Variants in NELL1 observed in about 807,000 individuals in gnomAD.
NELL1 encodes neural EGFL like 1.
In NELL1, 76 loss-of-function variants were observed where a neutral mutation model predicts 107.4. The observed-to-expected ratio is 0.71, with a 90% CI of 0.59 to 0.86. The LOEUF (loss-of-function observed/expected upper bound fraction) is 0.86, where lower values mean the gene tolerates loss of function less well. Among genes scored for constraint, NELL1 ranks in the 40% least tolerant of loss-of-function variants. The pLI is 0.00. For synonymous variants in NELL1, 353 were observed against 341.2 expected (o/e 1.03, Z -0.38); for missense variants, 1,024 against 1,005.5 (o/e 1.02, Z -0.25).
At chr11:20,970,053 GTCCA>G (rs3046320) in intron 12 of NELL1, among the ~76,000 whole-genome samples, 57,495 of 125,792 alleles carry the variant, frequency 0.46, 12,159 homozygotes, top group Middle Eastern at 0.56. Context: ...CTATCTCTCT[GTCCA>G]TCCATCCATC....
chr11:20,944,141 TG>T (rs1239219199), intron 10 of NELL1, among the ~76,000 whole-genome samples: 3 of 152,206 alleles, frequency 2.0e-5, no homozygotes, highest in Non-Finnish European at 4.4e-5. Flanking sequence ...GTATTATCCT[TG>T]GGAGGACTAA....
At chr11:21,127,878 T>A (rs1371747392) in intron 13 of NELL1, among the ~76,000 whole-genome samples, 1 of 152,222 alleles carries the variant, frequency 6.6e-6, no homozygotes, top group Non-Finnish European at 1.5e-5. Context: ...CATATGGACA[T>A]CTTATCATAG....
At chr11:21,545,989 G>T (rs1425539799) in intron 16 of NELL1, among the ~76,000 whole-genome samples, 1 of 151,910 alleles carries the variant, frequency 6.6e-6, no homozygotes, top group Non-Finnish European at 1.5e-5. Flanking sequence ...TGAAAATACT[G>T]CCTTGGGGTT....
intron 15 of NELL1, among the ~76,000 whole-genome samples, chr11:21,426,307 A>G (rs1852820566): frequency 6.6e-6 from 1 of 152,190 alleles, no homozygotes; most frequent in Non-Finnish European, 1.5e-5. Flanking sequence ...TCTGTGTCTC[A>G]TTCATCATTA....
intron 2 of NELL1, among the ~76,000 whole-genome samples, chr11:20,757,662 ACCGTC>A (rs1856327417): frequency 1.3e-5 from 2 of 152,122 alleles, no homozygotes; most frequent in Admixed American, 6.5e-5. Flanking sequence ...CTGGAATTCC[ACCGTC>A]ATCACCTCTC....
At chr11:21,272,043 C>T (rs377162898) in intron 14 of NELL1, among the ~76,000 whole-genome samples, 1 of 152,136 alleles carries the variant, frequency 6.6e-6, no homozygotes, top group African/African-American at 2.4e-5. Flanking sequence ...TGGGGAGTGT[C>T]GGAAAGTGGG....
intron 14 of NELL1, among the ~76,000 whole-genome samples, chr11:21,272,097 G>A (rs1449460062): frequency 6.6e-6 from 1 of 152,324 alleles, no homozygotes; most frequent in Admixed American, 6.5e-5. Context: ...GCCGAAGCAG[G>A]GCAAGGCATC....
chr11:21,560,156 A>G lies in NELL1; in HGVS notation c.1787-33A>G, dbSNP rs757322102. ...GTTTGTTCTCTAAGTTCCCTTGGCT[A>G]GATTCTAAGCTTCTGTGCTTCCTAT... On this transcript the variant is annotated intron_variant, in intron 16 of 19. Coordinates refer to ENST00000357134, the MANE Select transcript of NELL1 (RefSeq NM_006157.5). 13 of 1,600,850 alleles carry G rather than the reference A, an allele frequency of 8.1e-6. No individual in the cohort carries two copies. In the Admixed American group the frequency reaches 2.2e-4, roughly 27 times the overall value.
intron 15 of NELL1, among the ~76,000 whole-genome samples, chr11:21,529,779 G>T (rs183168279): frequency 1.4e-3 from 218 of 152,092 alleles, no homozygotes; most frequent in Non-Finnish European, 2.7e-3. Context: ...TTTTATAGCA[G>T]TAATATTTAG....
At chr11:21,016,437 A>G (rs1852565780) in intron 12 of NELL1, among the ~76,000 whole-genome samples, 1 of 152,082 alleles carries the variant, frequency 6.6e-6, no homozygotes, top group South Asian at 2.1e-4. Flanking sequence ...CAGGTTTGCC[A>G]TGATTTAGTT....
intron 15 of NELL1, among the ~76,000 whole-genome samples, chr11:21,434,095 C>G (rs1229638111): frequency 6.6e-6 from 1 of 152,156 alleles, no homozygotes; most frequent in Admixed American, 6.5e-5. Context: ...GGATATTAAT[C>G]TCTTGTCAGG....
At chr11:21,368,336 A>G (rs1161933548) in intron 14 of NELL1, among the ~76,000 whole-genome samples, 3 of 147,108 alleles carry the variant, frequency 2.0e-5, no homozygotes, top group Non-Finnish European at 3.0e-5. Context: ...TTAATGCGAC[A>G]TGTGCAATTT....
chr11:21,493,527 TA>T (rs36125830), intron 15 of NELL1, among the ~76,000 whole-genome samples: 102,830 of 149,434 alleles, frequency 0.69, 35,548 homozygotes, highest in South Asian at 0.74. Flanking sequence ...GTGTAGGAGC[TA>T]AAAAAAAAAA....
chr11:20,782,903 A>G (rs1270724383), intron 2 of NELL1, among the ~76,000 whole-genome samples: 1 of 152,166 alleles, frequency 6.6e-6, no homozygotes, highest in African/African-American at 2.4e-5. Flanking sequence ...GTCTCTTGTT[A>G]TGCTGATATT....
chr11:21,052,946 C>A (rs1853530864), intron 12 of NELL1, among the ~76,000 whole-genome samples: 1 of 151,960 alleles, frequency 6.6e-6, no homozygotes, highest in South Asian at 2.1e-4. Flanking sequence ...GAGTTTGGGT[C>A]ACTGAGGCTT....
chr11:20,873,767 C>CTTTT (rs34217570), intron 4 of NELL1, among the ~76,000 whole-genome samples: 13 of 135,732 alleles, frequency 9.6e-5, no homozygotes, highest in East Asian at 4.4e-4. Flanking sequence ...GAATATTTGA[C>CTTTT]TTTTTTTTTT....
At chr11:20,727,523 A>G (rs1397317315) in intron 2 of NELL1, among the ~76,000 whole-genome samples, 1 of 152,070 alleles carries the variant, frequency 6.6e-6, no homozygotes, top group Non-Finnish European at 1.5e-5. Context: ...GTAGATTGTA[A>G]AATTTTCTCC....
intron 3 of NELL1, among the ~76,000 whole-genome samples, chr11:20,832,239 C>G (rs1204694146): frequency 6.6e-6 from 1 of 152,226 alleles, no homozygotes; most frequent in Non-Finnish European, 1.5e-5. Context: ...TGACCGTACA[C>G]TTTTATGAGA....
In NELL1 at chr11:21,570,751, C is replaced by G. The variant is rs1474660045; in HGVS notation, c.1981-13C>G. 1 of 1,608,984 alleles carries G rather than the reference C, an allele frequency of 6.2e-7. No homozygotes were observed. Among genetic ancestry groups the G allele is most frequent in the Non-Finnish European group, 8.5e-7 (1 of 1,177,056 alleles). ...CTAAATGATGAAACCTCCTTAACTT[C>G]ATTTCTAAACAGGATGGCAAGATAT... On this transcript the variant is annotated splice_polypyrimidine_tract_variant and intron_variant, in intron 17 of 19. Coordinates refer to ENST00000357134, the MANE Select transcript of NELL1 (RefSeq NM_006157.5).
Sources: allele counts gnomAD v4.1 joint callset (sites outside exome capture counted in the v4.1 genomes callset), GRCh38; gene constraint gnomAD v4.1.1; transcripts MANE v1.5; gene names NCBI Gene and HGNC (gene_info 2026-07-23, HGNC 2026-07-21).